Variants in CDH12 observed in about 807,000 individuals in gnomAD.
The protein encoded by CDH12 is cadherin-12.
CDH12 carries 41 observed loss-of-function variants against 74.1 expected under a neutral mutation model. The observed-to-expected ratio is 0.55, with a 90% confidence interval of 0.43 to 0.72. CDH12 has a LOEUF of 0.72. CDH12 is among the 30% of genes least tolerant of loss of function. The pLI is 0.00. For missense variants in CDH12, 945 were observed against 977.2 expected (o/e 0.97, Z 0.44); for synonymous variants, 399 against 355.0 (o/e 1.12, Z -1.39).
chr5:22,705,126 T>TACAC (rs1561590368), intron 1 of CDH12, among the ~76,000 whole-genome samples: 6 of 95,090 alleles, frequency 6.3e-5, no homozygotes, highest in African/African-American at 9.3e-5. Flanking sequence ...CATATATATA[T>TACAC]ATATACACAC....
At chr5:22,603,992 TG>T (rs1736976514) in intron 1 of CDH12, among the ~76,000 whole-genome samples, 1 of 152,148 alleles carries the variant, frequency 6.6e-6, no homozygotes, top group Non-Finnish European at 1.5e-5. Flanking sequence ...AGGTCTGTAG[TG>T]GGCGACAGCC....
At chr5:21,957,818 A>G (rs1756169420) in intron 6 of CDH12, among the ~76,000 whole-genome samples, 2 of 152,108 alleles carry the variant, frequency 1.3e-5, no homozygotes, top group East Asian at 1.9e-4. Context: ...GATTTTAGAC[A>G]TTTGTCAGAC....
chr5:22,402,079 C>T (rs759879710), intron 3 of CDH12, among the ~76,000 whole-genome samples: 6 of 152,118 alleles, frequency 3.9e-5, no homozygotes, highest in Non-Finnish European at 7.4e-5. Flanking sequence ...CCATTTGTTA[C>T]GACAGCCCCA....
intron 4 of CDH12, among the ~76,000 whole-genome samples, chr5:22,203,129 T>G (rs1383597029): frequency 6.6e-6 from 1 of 152,190 alleles, no homozygotes; most frequent in East Asian, 1.9e-4. Context: ...TTTTCTCTTG[T>G]AGCTATTTTG....
intron 4 of CDH12, among the ~76,000 whole-genome samples, chr5:22,103,276 C>G (rs780993383): frequency 3.3e-5 from 5 of 152,136 alleles, no homozygotes; most frequent in Non-Finnish European, 7.4e-5. Flanking sequence ...CACCCTGGCT[C>G]TGTCTGTCTT....
chr5:21,879,783 T>A (rs914940292), intron 6 of CDH12, among the ~76,000 whole-genome samples: 10 of 152,158 alleles, frequency 6.6e-5, no homozygotes, highest in African/African-American at 2.4e-4. Context: ...CATGAATTTA[T>A]TTTATGACCC....
chr5:22,703,702 A>G (rs1318853890), intron 1 of CDH12, among the ~76,000 whole-genome samples: 1 of 152,174 alleles, frequency 6.6e-6, no homozygotes, highest in African/African-American at 2.4e-5. Context: ...TGGAATTCTT[A>G]CTATACATTG....
At chr5:22,176,147 C>T (rs560879396) in intron 4 of CDH12, among the ~76,000 whole-genome samples, 21 of 151,952 alleles carry the variant, frequency 1.4e-4, no homozygotes, top group African/African-American at 2.2e-4. Flanking sequence ...ATATACACTT[C>T]GGGGTATTAG....
intron 2 of CDH12, among the ~76,000 whole-genome samples, chr5:22,438,106 G>A (rs12654699): frequency 0.32 from 48,303 of 151,604 alleles, 7,780 homozygotes; most frequent in African/African-American, 0.36. Flanking sequence ...ACTTAGAAAC[G>A]TCTTAACCTC....
At chr5:22,499,538 C>G (rs940691376) in intron 2 of CDH12, among the ~76,000 whole-genome samples, 1 of 152,094 alleles carries the variant, frequency 6.6e-6, no homozygotes, top group Non-Finnish European at 1.5e-5. Flanking sequence ...AGTTGATATA[C>G]TTTGAAATCA....
intron 6 of CDH12, among the ~76,000 whole-genome samples, chr5:21,914,988 C>G (rs953663928): frequency 1.3e-5 from 2 of 152,142 alleles, no homozygotes; most frequent in Admixed American, 1.3e-4. Flanking sequence ...TGAGGCAAGA[C>G]AGATTGTGCC....
intron 3 of CDH12, among the ~76,000 whole-genome samples, chr5:22,335,972 T>A (rs557245429): frequency 6.6e-6 from 1 of 152,098 alleles, no homozygotes; most frequent in African/African-American, 2.4e-5. Flanking sequence ...AGAGACTTAC[T>A]GAATGGCTTT....
intron 6 of CDH12, among the ~76,000 whole-genome samples, chr5:21,924,168 CCT>C (rs1320675425): frequency 1.3e-5 from 2 of 151,926 alleles, no homozygotes; most frequent in Admixed American, 6.6e-5. Flanking sequence ...CACTTTTTTC[CCT>C]GTTGAATTGT....
chr5:22,470,229 A>G (rs1350169807), intron 2 of CDH12, among the ~76,000 whole-genome samples: 4 of 152,124 alleles, frequency 2.6e-5, no homozygotes, highest in Non-Finnish European at 5.9e-5. Context: ...TTGAGAATCA[A>G]TATTAGATTC....
At chr5:22,828,641 G>A (rs975443889) in intron 1 of CDH12, among the ~76,000 whole-genome samples, 3 of 152,268 alleles carry the variant, frequency 2.0e-5, no homozygotes, top group Non-Finnish European at 2.9e-5. Context: ...TTAAACTAAT[G>A]TGACCCAAGA....
chr5:22,705,988 T>C (rs958657926), intron 1 of CDH12, among the ~76,000 whole-genome samples: 3 of 152,102 alleles, frequency 2.0e-5, no homozygotes, highest in Non-Finnish European at 4.4e-5. Context: ...TCATAAAACA[T>C]GATATGACAT....
chr5:21,781,192 A>G (rs1745887466), intron 11 of CDH12, among the ~76,000 whole-genome samples: 1 of 152,130 alleles, frequency 6.6e-6, no homozygotes, highest in South Asian at 2.1e-4. Context: ...GGTCAGCTGG[A>G]CACAGGAGAA....
At chr5:22,367,194 C>T (rs1741073702) in intron 3 of CDH12, among the ~76,000 whole-genome samples, 1 of 152,064 alleles carries the variant, frequency 6.6e-6, no homozygotes, top group African/African-American at 2.4e-5. Flanking sequence ...ATCTCCTTCT[C>T]CTTTCTGCAC....
chr5:22,185,931 T>C (rs1010633989), intron 4 of CDH12, among the ~76,000 whole-genome samples: 10 of 152,182 alleles, frequency 6.6e-5, no homozygotes, highest in African/African-American at 2.4e-4. Flanking sequence ...AAGGACTTCA[T>C]CATAACCAGT....
Sources: gnomAD v4.1 joint callset for allele counts (sites outside exome capture counted in the v4.1 genomes callset) on GRCh38, gnomAD v4.1.1 for gene constraint, MANE v1.5 for transcripts, NCBI Gene and HGNC (gene_info 2026-07-23, HGNC 2026-07-21) for gene names.